PEPD: variants seen among roughly 807,000 people sequenced by gnomAD.
The protein encoded by PEPD is xaa-Pro dipeptidase.
Under a neutral mutation model 60.7 loss-of-function variants are expected in PEPD, and 53 were observed. That is an observed-to-expected ratio of 0.87 (90% CI 0.70 to 1.10). The LOEUF is 1.10. Among genes scored for constraint, PEPD ranks in the 50% least tolerant of loss-of-function variants. The pLI is 0.00. For synonymous variants in PEPD, 267 were observed against 284.1 expected, an observed-to-expected ratio of 0.94 and a Z score of 0.60; for missense variants, 711 against 711.9, an observed-to-expected ratio of 1.00 and a Z score of 0.01.
In PEPD at chr19:33,500,631, G is replaced by A. The variant is rs146500599; in HGVS notation, c.393+307C>T. ...GTGGTGACTTAGACCGTGTGCCACC[G>A]CTGCAGGCAGGCCCGCCTCTCAGAG... is the stretch of plus-strand genomic sequence containing the variant. On this transcript the variant is annotated intron_variant, in intron 4 of 14. Coordinates refer to ENST00000244137, the MANE Select transcript of PEPD (RefSeq NM_000285.4). Among the ~76,000 whole-genome samples the A allele has an allele frequency of 3.3e-3, 500 of 152,322 alleles. 4 individuals carry two copies. Among genetic ancestry groups the A allele is most frequent in the African/African-American group, 0.011 (459 of 41,584 alleles).
chr19:33,390,697 G>A (rs570044796), intron 13 of PEPD, among the ~76,000 whole-genome samples: 1 of 152,348 alleles, frequency 6.6e-6, no homozygotes, highest in African/African-American at 2.4e-5. Context: ...TGAGGGCCGG[G>A]GAACCTTGTC....
At position 33,458,643 on chromosome 19, in the gene PEPD, T is replaced by G. The variant is rs943295287; in HGVS notation, c.671+4352A>C. 1.5e-3 allele frequency among the ~76,000 whole-genome samples: 213 copies of G among 141,090 alleles called. 1 individual carries two copies. The highest frequency in any genetic ancestry group is 5.4e-3 in the African/African-American group (204 of 37,700). The allele number at this position is 141,090 out of a possible 152,430, so 92.6% of individuals were successfully genotyped here. A position where few individuals can be genotyped will look rare whatever the true frequency, so the allele number is the denominator to read the frequency against. ...TGTGTGATGTGTGTGGCGTGTGTGT[T>G]GTGTGTGGTATGTGGCATGTGTGGT... On this transcript the variant is annotated intron_variant, in intron 9 of 14. Coordinates refer to ENST00000244137, the MANE Select transcript of PEPD (RefSeq NM_000285.4).
rs1309372755 is a variant in PEPD, at chr19:33,422,875, CCCAT to C, written c.672-9236_672-9233del. Among the ~76,000 whole-genome samples, 4 of 143,512 alleles carry C rather than the reference CCCAT, an allele frequency of 2.8e-5. No homozygotes were observed. The East Asian group carries it at 6.2e-4, about 22-fold the overall frequency. 94.1% of individuals were successfully genotyped at this position (143,512 alleles called of 152,430 possible). A position where few individuals can be genotyped will look rare whatever the true frequency, so the allele number is the denominator to read the frequency against. On this transcript the variant is annotated intron_variant, in intron 9 of 14. Transcript: ENST00000244137. ...CCATCCATCTCTCTATATCTATCCA[CCCAT>C]CCATCTATTCCTCTATCAATCATCT...
chr19:33,511,187 G>A, intron 2 of PEPD, 32 bp from the exon 3 acceptor site: 1 of 1,613,074 alleles, frequency 6.2e-7, no homozygotes, highest in Non-Finnish European at 8.5e-7. Flanking sequence ...TTGTTAGCCA[G>A]TGGAACATGA....
At chr19:33,482,463 CA>C (rs1172386764) in intron 6 of PEPD, among the ~76,000 whole-genome samples, 2 of 152,160 alleles carry the variant, frequency 1.3e-5, no homozygotes, top group East Asian at 3.8e-4. Context: ...AGAGCATCTA[CA>C]AAAAACTCCC....
intron 10 of PEPD, among the ~76,000 whole-genome samples, chr19:33,412,667 A>G (rs186010558): frequency 6.6e-6 from 1 of 152,380 alleles, no homozygotes; most frequent in East Asian, 1.9e-4. Context: ...TGGGAATCAT[A>G]AAAGTAGAAA....
At chr19:33,520,877 C>A (rs1181072859) in intron 1 of PEPD, among the ~76,000 whole-genome samples, 1 of 152,188 alleles carries the variant, frequency 6.6e-6, no homozygotes, top group Non-Finnish European at 1.5e-5. Flanking sequence ...ACAGATCAAG[C>A]AGCTTGTAAC....
intron 13 of PEPD, chr19:33,389,256 A>C (rs1968155784): frequency 6.6e-6 from 1 of 152,404 alleles, no homozygotes; most frequent in Non-Finnish European, 1.5e-5. Context: ...GAGACACCAC[A>C]GCCTGGCTGG....
At chr19:33,409,989 C>T (rs535653171) in intron 11 of PEPD, among the ~76,000 whole-genome samples, 67 of 152,338 alleles carry the variant, frequency 4.4e-4, no homozygotes, top group African/African-American at 1.6e-3. Context: ...AGCTGAGCTC[C>T]GCTCTGACCC....
Position 33,519,451 on chromosome 19 carries a change from C to T in PEPD, c.17+2293G>A, listed in dbSNP as rs1048902746. ...CCAAACCCAACTCCCAGTGAGCCCA[C>T]GGCAATGGCCGTGACTTGCTGGCAT... is the stretch of plus-strand genomic sequence containing the variant. On this transcript the variant is annotated intron_variant, in intron 1 of 14. Transcript: ENST00000244137. Among the ~76,000 whole-genome samples, 6 of 152,362 alleles carry T rather than the reference C, an allele frequency of 3.9e-5. No homozygotes were observed. In the East Asian group the frequency reaches 5.8e-4, roughly 15 times the overall value.
chr19:33,416,466 T>G (rs1340193285), intron 9 of PEPD, among the ~76,000 whole-genome samples: 4 of 152,140 alleles, frequency 2.6e-5, no homozygotes, highest in African/African-American at 7.2e-5. Context: ...ATAGGCTCCT[T>G]CCATAAATTT....
chr19:33,502,985 T>C (rs1970739382), intron 3 of PEPD, among the ~76,000 whole-genome samples: 1 of 150,444 alleles, frequency 6.6e-6, no homozygotes, highest in Non-Finnish European at 1.5e-5. Context: ...AAGGATAATG[T>C]GCCTGGAGAA....
At chr19:33,497,833 G>A (rs1970635588) in intron 4 of PEPD, among the ~76,000 whole-genome samples, 1 of 152,178 alleles carries the variant, frequency 6.6e-6, no homozygotes, top group Admixed American at 6.5e-5. Context: ...CAGAGCCACA[G>A]AAAATCAAAG....
At chr19:33,464,094 A>C (rs759602374) in intron 7 of PEPD, 32 bp from the exon 8 acceptor site, 1 of 1,535,276 alleles carries the variant, frequency 6.5e-7, no homozygotes, top group Non-Finnish European at 9.0e-7. Flanking sequence ...GCAGCAAATC[A>C]GTGACTTTCA....
intron 9 of PEPD, among the ~76,000 whole-genome samples, chr19:33,440,779 A>G (rs2063874965): frequency 6.6e-6 from 1 of 152,140 alleles, no homozygotes; most frequent in Admixed American, 6.5e-5. Flanking sequence ...TCCCCTCTAG[A>G]GCTTCACAGA....
chr19:33,407,887 C>G (rs886573424), intron 11 of PEPD, among the ~76,000 whole-genome samples: 1 of 152,172 alleles, frequency 6.6e-6, no homozygotes, highest in Non-Finnish European at 1.5e-5. Flanking sequence ...TGCGTGCATG[C>G]GAGTGGGTGT....
chr19:33,497,376 G>A (rs1056710919), intron 4 of PEPD, among the ~76,000 whole-genome samples: 20 of 152,264 alleles, frequency 1.3e-4, no homozygotes, highest in Admixed American at 6.5e-4. Context: ...CTCAGCCGGT[G>A]ATCCCGCCAG....
intron 1 of PEPD, among the ~76,000 whole-genome samples, chr19:33,513,029 C>T (rs1379494012): frequency 6.6e-6 from 1 of 151,848 alleles, no homozygotes; most frequent in African/African-American, 2.4e-5. Flanking sequence ...CTCTGCCCCC[C>T]AACCAACTGC....
intron 7 of PEPD, among the ~76,000 whole-genome samples, chr19:33,470,102 G>A (rs1427569893): frequency 1.3e-5 from 2 of 151,582 alleles, no homozygotes; most frequent in African/African-American, 2.4e-5. Flanking sequence ...ACATCCATCC[G>A]CTGCTTCCCA....
Sources: allele counts gnomAD v4.1 joint callset (sites outside exome capture counted in the v4.1 genomes callset), GRCh38; gene constraint gnomAD v4.1.1; transcripts MANE v1.5; gene names NCBI Gene and HGNC (gene_info 2026-07-23, HGNC 2026-07-21).